STAM: variants seen among roughly 807,000 people sequenced by gnomAD.
STAM encodes signal transducing adapter molecule 1.
STAM carries 16 observed loss-of-function variants against 63.4 expected under a neutral mutation model. The ratio of observed to expected loss-of-function variants is 0.25; its 90% confidence interval spans 0.17 to 0.38. STAM has a LOEUF of 0.38. Ranked by LOEUF, STAM falls within the 10% of genes least tolerant of loss-of-function variation. The pLI, the probability that STAM is intolerant of heterozygous loss-of-function variation, is 1.00. For synonymous variants in STAM, 238 were observed against 223.9 expected (o/e 1.06, Z -0.56); for missense variants, 636 against 657.1 (o/e 0.97, Z 0.35).
chr10:17,698,077 G>C lies in STAM; in HGVS notation c.823+1208G>C, dbSNP rs1388005517. 2.6e-5 allele frequency among the ~76,000 whole-genome samples: 4 copies of C among 152,128 alleles called. No individual in the cohort carries two copies. In the East Asian group the frequency reaches 7.7e-4, roughly 29 times the overall value. ...AAGAGATACTTCACTTCTCTTTCAA[G>C]AGAAGGCTTGAACAGCAAACCAGAA... On this transcript the variant is annotated intron_variant, in intron 8 of 13. Transcript: ENST00000377524.
rs781822595 is a variant in STAM at position 17,700,241 on chromosome 10, A to G, written c.874A>G (p.Thr292Ala). The G allele has an allele frequency of 6.2e-7, 1 of 1,610,708 alleles. No homozygotes were observed. The highest frequency in any genetic ancestry group is 1.7e-5 in the Admixed American group (1 of 59,712). The change falls in exon 9 of 14, where the codon ACA becomes GCA. Residue 292 changes from threonine (T) to alanine (A), a missense_variant. Physicochemically the swap from Thr to Ala is moderately conservative, Grantham distance 58. Transcript: ENST00000377524. ...VQFSDDVQVE[T>A]IEPEPEPAFI... The stretch of plus-strand genomic sequence containing the variant: ...ATTTAGTGATGATGTTCAGGTAGAG[A>G]CAATAGAACCAGAGCCGGAACCAGC...
chr10:17,691,522 A>G (rs1835535849), intron 5 of STAM, among the ~76,000 whole-genome samples: 2 of 152,198 alleles, frequency 1.3e-5, no homozygotes, highest in Admixed American at 6.5e-5. Flanking sequence ...AAATAAATAA[A>G]TAAATAAATA....
At chr10:17,703,027 A>G (rs1836081928) in intron 9 of STAM, among the ~76,000 whole-genome samples, 1 of 104,886 alleles carries the variant, frequency 9.5e-6, no homozygotes, top group Non-Finnish European at 2.0e-5. Context: ...AAAAAAAAAA[A>G]GAAAAGAAAA....
intron 6 of STAM, among the ~76,000 whole-genome samples, chr10:17,694,663 T>G (rs1361787153): frequency 6.6e-6 from 1 of 152,202 alleles, no homozygotes; most frequent in Non-Finnish European, 1.5e-5. Context: ...TTATTAAGTC[T>G]GCAGTGAAGC....
chr10:17,675,914 A>G (rs1554824614), intron 2 of STAM, among the ~76,000 whole-genome samples: 3 of 152,200 alleles, frequency 2.0e-5, no homozygotes, highest in African/African-American at 7.2e-5. Flanking sequence ...ATACCTACAA[A>G]TAGCACTCCA....
intron 2 of STAM, among the ~76,000 whole-genome samples, chr10:17,665,080 TTTA>T (rs1162840862): frequency 2.0e-5 from 3 of 152,030 alleles, no homozygotes; most frequent in Non-Finnish European, 4.4e-5. Context: ...ATTCTTAGGT[TTTA>T]AAGGGGGAGA....
intron 9 of STAM, among the ~76,000 whole-genome samples, chr10:17,702,816 T>G (rs1295861069): frequency 6.6e-6 from 1 of 152,082 alleles, no homozygotes; most frequent in Non-Finnish European, 1.5e-5. Flanking sequence ...GAGACCATCC[T>G]GGCCAACATG....
chr10:17,699,183 C>T (rs1387789286), intron 8 of STAM, among the ~76,000 whole-genome samples: 1 of 152,194 alleles, frequency 6.6e-6, no homozygotes, highest in Non-Finnish European at 1.5e-5. Flanking sequence ...TTCTCTTTTA[C>T]AAAAGTTTTT....
chr10:17,662,747 A>T (rs1489844022), intron 2 of STAM, among the ~76,000 whole-genome samples: 1 of 152,190 alleles, frequency 6.6e-6, no homozygotes, highest in Non-Finnish European at 1.5e-5. Context: ...TAATAGTATC[A>T]TCTTCATAGG....
In STAM at chr10:17,644,172, A is replaced by AGCT. The variant is rs1375168644; in HGVS notation, c.-162_-160dup. ...GGCTCCTTGCTGTTGCCGCCGCCGC[A>AGCT]GCTGCTGCCGCGGTTGGTGGGGTTG... On this transcript the variant is annotated 5_prime_UTR_variant, in exon 1 of 14. Coordinates refer to ENST00000377524, the MANE Select transcript of STAM (RefSeq NM_003473.4). The AGCT allele has an allele frequency of 4.3e-6, 3 of 690,478 alleles. No homozygotes were observed. The highest frequency in any genetic ancestry group is 5.0e-6 in the Non-Finnish European group (2 of 399,128). 42.8% of individuals were successfully genotyped at this position (690,478 alleles called of 1,614,324 possible).
intron 1 of STAM, among the ~76,000 whole-genome samples, chr10:17,646,474 A>T (rs1204867882): frequency 6.6e-6 from 1 of 152,210 alleles, no homozygotes; most frequent in Admixed American, 6.5e-5. Flanking sequence ...TTACCGAATT[A>T]TTTAGCATTC....
At chr10:17,689,259 C>G (rs1432941000) in intron 5 of STAM, among the ~76,000 whole-genome samples, 1 of 152,142 alleles carries the variant, frequency 6.6e-6, no homozygotes, top group East Asian at 1.9e-4. Flanking sequence ...TTGACTGGGA[C>G]AGACTGTAAT....
intron 8 of STAM, among the ~76,000 whole-genome samples, chr10:17,699,267 A>G (rs573605120): frequency 2.6e-5 from 4 of 152,354 alleles, no homozygotes; most frequent in African/African-American, 9.6e-5. Context: ...AGGAAATGTA[A>G]TATTCCATCA....
intron 13 of STAM, 37 bp downstream of exon 13, chr10:17,708,988 T>C (rs1310905761): frequency 1.9e-6 from 3 of 1,590,772 alleles, no homozygotes; most frequent in South Asian, 1.1e-5. Flanking sequence ...GAGTTAGTGC[T>C]GTTACAGCTG....
At chr10:17,673,206 C>A in intron 2 of STAM, 1 of 179,216 alleles carries the variant, frequency 5.6e-6, no homozygotes, top group Non-Finnish European at 1.1e-5. Flanking sequence ...TTCCTCCCAG[C>A]ACTACTTATT....
intron 8 of STAM, among the ~76,000 whole-genome samples, chr10:17,698,288 G>A (rs1835846328): frequency 6.6e-6 from 1 of 151,996 alleles, no homozygotes; most frequent in Non-Finnish European, 1.5e-5. Flanking sequence ...TAATAACCTG[G>A]GCTGGTAATG....
At chr10:17,699,644 C>T (rs182730884) in intron 8 of STAM, among the ~76,000 whole-genome samples, 1 of 152,286 alleles carries the variant, frequency 6.6e-6, no homozygotes, top group East Asian at 1.9e-4. Flanking sequence ...CTGTCAAGGC[C>T]ACCTGCAAAG....
At chr10:17,687,767 C>G (rs1164734623) in intron 4 of STAM, among the ~76,000 whole-genome samples, 3 of 152,164 alleles carry the variant, frequency 2.0e-5, no homozygotes, top group Non-Finnish European at 4.4e-5. Flanking sequence ...TGCTTCGTTG[C>G]AAAATATTCT....
chr10:17,658,316 G>A (rs888047890), intron 1 of STAM, among the ~76,000 whole-genome samples: 1 of 151,752 alleles, frequency 6.6e-6, no homozygotes, highest in Non-Finnish European at 1.5e-5. Context: ...GATTTCTATT[G>A]TTTTAGATTT....
Sources: allele counts gnomAD v4.1 joint callset (sites outside exome capture counted in the v4.1 genomes callset), GRCh38; gene constraint gnomAD v4.1.1; transcripts MANE v1.5; gene names NCBI Gene and HGNC (gene_info 2026-07-23, HGNC 2026-07-21).